PIK3IP1: variants seen among roughly 807,000 people sequenced by gnomAD.
The protein encoded by PIK3IP1 is phosphoinositide-3-kinase-interacting protein 1.
PIK3IP1 carries 28 observed loss-of-function variants against 30.7 expected under a neutral mutation model. That is an observed-to-expected ratio of 0.91 (90% CI 0.68 to 1.25). The LOEUF (loss-of-function observed/expected upper bound fraction) is 1.25. PIK3IP1 is among the 50% of genes most tolerant of loss of function. The pLI is 0.00. For missense variants in PIK3IP1, 333 were observed against 346.2 expected (o/e 0.96, Z 0.30); for synonymous variants, 159 against 140.8 (o/e 1.13, Z -0.91).
chr22:31,291,469 ACCC>A (rs10558009), intron 1 of PIK3IP1, among the ~76,000 whole-genome samples, 173 bp from the exon 2 acceptor site: 29,684 of 105,024 alleles, frequency 0.28, 4,897 homozygotes, highest in African/African-American at 0.51. Context: ...CGCCCCACGC[ACCC>A]CCCCCCCCCA....
In PIK3IP1 at chr22:31,291,214, G is replaced by A. The variant is rs1333504360; in HGVS notation, c.153C>T (p.Asp51=). ...GGGCCGAGGCCAGCCCGCTCTGCGC[G>A]TCCAGCCAGTTGAGGCAGCGGAGGC... is the stretch of plus-strand genomic sequence containing the variant. ...APGLRCLNWL[D]AQSGLASAPV... The change falls in exon 2 of 6, where the codon GAC becomes GAT. Residue 51 remains aspartate (D), a synonymous_variant. Coordinates refer to ENST00000215912, the MANE Select transcript of PIK3IP1 (RefSeq NM_052880.5). The A allele has an allele frequency of 2.6e-6, 4 of 1,549,622 alleles. No individual in the cohort carries two copies. The highest frequency in any genetic ancestry group is 2.4e-5 in the East Asian group (1 of 40,834).
intron 3 of PIK3IP1, 169 bp downstream of exon 3, chr22:31,290,796 C>G (rs2049169898): frequency 3.0e-6 from 3 of 986,200 alleles, no homozygotes; most frequent in Non-Finnish European, 4.2e-6. Flanking sequence ...GTGGCGGCGG[C>G]GGCCAATAGG....
At chr22:31,283,593 CTTTT>C (rs568284460) in intron 5 of PIK3IP1, among the ~76,000 whole-genome samples, 1 of 142,004 alleles carries the variant, frequency 7.0e-6, no homozygotes. Flanking sequence ...AGGACAGAGA[CTTTT>C]TTTTTTTTTT....
chr22:31,290,858 G>A, intron 3 of PIK3IP1, 107 bp downstream of exon 3: 1 of 1,404,060 alleles, frequency 7.1e-7, no homozygotes, highest in Non-Finnish European at 9.3e-7. Context: ...CGGCGCGGAG[G>A]CGGAGCGGGG....
intron 3 of PIK3IP1, chr22:31,290,321 G>C (rs1420879425): frequency 6.6e-6 from 1 of 152,292 alleles, no homozygotes; most frequent in Non-Finnish European, 1.5e-5. Context: ...CGCGGAAGGC[G>C]GAAGTTGCAG....
rs888515795 is a variant in PIK3IP1 at position 31,291,314 on chromosome 22, C to G, written c.71-18G>C. The G allele has an allele frequency of 2.6e-6, 4 of 1,553,858 alleles. No individual in the cohort carries two copies. The African/African-American group carries it at 5.5e-5, about 21-fold the overall frequency. On this transcript the variant is annotated intron_variant, in intron 1 of 5. Coordinates refer to ENST00000215912, the MANE Select transcript of PIK3IP1 (RefSeq NM_052880.5). ...GAAACAGCCTGTGAGGAAAAGAAGCCCCCGGACACAGAATAGCGGGCAGCG... is the reference window on the plus strand; with the variant it reads ...GAAACAGCCTGTGAGGAAAAGAAGCGCCCGGACACAGAATAGCGGGCAGCG...
intron 5 of PIK3IP1, among the ~76,000 whole-genome samples, chr22:31,287,573 G>T (rs7291131): frequency 0.15 from 22,807 of 148,304 alleles, 3,578 homozygotes; most frequent in African/African-American, 0.41. Flanking sequence ...CTCATGATCT[G>T]CCCGCCTCGG....
chr22:31,291,203 CCG>C lies in PIK3IP1; in HGVS notation c.162_163del (p.Ser54ArgfsTer38). 1 of 1,548,990 alleles carries C rather than the reference CCG, an allele frequency of 6.5e-7. No homozygotes were observed. The highest frequency in any genetic ancestry group is 8.7e-7 in the Non-Finnish European group (1 of 1,146,330). On this transcript the variant is annotated frameshift_variant, in exon 2 of 6. Transcript: ENST00000215912. LOFTEE classifies it high-confidence loss of function. ...ACCCGACACGGGGGCCGAGGCCAGCCCGCTCTGCGCGTCCAGCCAGTTGAGGC... is the reference window on the plus strand; with the variant it reads ...ACCCGACACGGGGGCCGAGGCCAGCCCTCTGCGCGTCCAGCCAGTTGAGGC...
At chr22:31,291,704 C>A (rs1361003246) in intron 1 of PIK3IP1, among the ~76,000 whole-genome samples, 1 of 152,138 alleles carries the variant, frequency 6.6e-6, no homozygotes, top group Non-Finnish European at 1.5e-5. Flanking sequence ...GGACGGGGGG[C>A]GCCCAGACGT....
chr22:31,283,411 G>A (rs2049105760), intron 5 of PIK3IP1, 123 bp from the exon 6 acceptor site: 2 of 1,028,534 alleles, frequency 1.9e-6, no homozygotes, highest in South Asian at 1.5e-5. Context: ...ATCAGTGGCT[G>A]AGCCAGGACC....
rs556945518 is a variant in PIK3IP1, at chr22:31,291,352, C to T, written c.71-56G>A. ...ATAGCGGGCAGCGAACGGAAGACGC[C>T]CAGCGTGGCGGACAGGGGAGCCGGG... is the stretch of plus-strand genomic sequence containing the variant. On this transcript the variant is annotated intron_variant, in intron 1 of 5. Coordinates refer to ENST00000215912, the MANE Select transcript of PIK3IP1 (RefSeq NM_052880.5). 7.4e-4 allele frequency: 1,120 copies of T among 1,516,188 alleles called. 2 individuals are homozygous for T. In the Middle Eastern group the frequency reaches 0.013, roughly 17 times the overall value. The allele number at this position is 1,516,188 out of a possible 1,614,324, so 93.9% of individuals were successfully genotyped here.
intron 5 of PIK3IP1, among the ~76,000 whole-genome samples, chr22:31,283,497 T>A (rs2049106431): frequency 6.6e-6 from 1 of 152,170 alleles, no homozygotes; most frequent in African/African-American, 2.4e-5. Context: ...CCTGCACCTC[T>A]GGTCTTAGGT....
rs1253427050 is a variant in PIK3IP1, at chr22:31,291,169, A to G, written c.187+11T>C. 1.0e-5 allele frequency: 16 copies of G among 1,542,704 alleles called. No individual in the cohort carries two copies. Among genetic ancestry groups the G allele is most frequent in the African/African-American group, 8.4e-5 (6 of 71,660 alleles). Reference sequence around the variant, plus strand: ...CGCCAGCCCCGGGGCCGTCCCCCGGAGGACACTTACCCGACACGGGGGCCG... The same window carrying G: ...CGCCAGCCCCGGGGCCGTCCCCCGGGGGACACTTACCCGACACGGGGGCCG... On this transcript the variant is annotated intron_variant, in intron 2 of 5. Coordinates refer to ENST00000215912, the MANE Select transcript of PIK3IP1 (RefSeq NM_052880.5).
chr22:31,291,401 T>C, intron 1 of PIK3IP1, 105 bp from the exon 2 acceptor site: 3 of 1,119,620 alleles, frequency 2.7e-6, no homozygotes, highest in East Asian at 2.6e-5. Context: ...AACCTCAGCC[T>C]GGTTAGGGGA....
chr22:31,285,493 C>T (rs2049124219), intron 5 of PIK3IP1, among the ~76,000 whole-genome samples: 1 of 152,124 alleles, frequency 6.6e-6, no homozygotes, highest in African/African-American at 2.4e-5. Flanking sequence ...TTAGCACCGG[C>T]AATATTGTCT....
chr22:31,282,393 C>T lies in PIK3IP1; in HGVS notation c.*691G>A, dbSNP rs1227741856. The stretch of plus-strand genomic sequence containing the variant: ...GTGGCCAAAGGCGGAGCAGATCCTT[C>T]TCTATCCTCTTCCTAAGTGGAATGC... On this transcript the variant is annotated 3_prime_UTR_variant, in exon 6 of 6. Transcript: ENST00000215912. The T allele has an allele frequency of 6.5e-6, 1 of 152,682 alleles. No homozygotes were observed. The highest frequency in any genetic ancestry group is 1.5e-5 in the Non-Finnish European group (1 of 68,082). The allele number at this position is 152,682 out of a possible 1,614,324, so 9.5% of individuals were successfully genotyped here. A position where few individuals can be genotyped will look rare whatever the true frequency, so the allele number is the denominator to read the frequency against.
intron 5 of PIK3IP1, 47 bp downstream of exon 5, chr22:31,289,268 A>G (rs368337292): frequency 6.1e-5 from 97 of 1,592,724 alleles, no homozygotes; most frequent in Non-Finnish European, 8.3e-5. Flanking sequence ...GACTTTGTGT[A>G]CCTTCCTCCC....
At position 31,283,170 on chromosome 22, in the gene PIK3IP1, C is replaced by CA; in HGVS notation, c.705dup (p.Val236CysfsTer11). ...GGAGTCTGGCTGGTGTGGACCACGA[C>CA]AGTCTTCTCATCCACAATCTCACAG... On this transcript the variant is annotated frameshift_variant, in exon 6 of 6. Transcript: ENST00000215912. LOFTEE classifies it high-confidence loss of function. 6.2e-7 allele frequency: 1 copy of CA among 1,614,214 alleles called. No individual in the cohort carries two copies. The highest frequency in any genetic ancestry group is 8.5e-7 in the Non-Finnish European group (1 of 1,180,030).
At chr22:31,283,360 T>C in intron 5 of PIK3IP1, 72 bp from the exon 6 acceptor site, 2 of 1,508,348 alleles carry the variant, frequency 1.3e-6, no homozygotes, top group Non-Finnish European at 1.8e-6. Context: ...ATAGCATCCC[T>C]GAGGCTCAGC....
Sources: allele counts gnomAD v4.1 joint callset (sites outside exome capture counted in the v4.1 genomes callset), GRCh38; gene constraint gnomAD v4.1.1; transcripts MANE v1.5; gene names NCBI Gene and HGNC (gene_info 2026-07-23, HGNC 2026-07-21).